The following HIKESHI variants were observed in gnomAD, a reference collection of about 807,000 sequenced individuals.
HIKESHI encodes protein Hikeshi.
In HIKESHI, 13 loss-of-function variants were observed where a neutral mutation model predicts 25.7. That is an observed-to-expected ratio of 0.51 (90% CI 0.33 to 0.80). HIKESHI has a LOEUF of 0.80. Among genes scored for constraint, HIKESHI ranks in the 30% least tolerant of loss-of-function variants. The pLI is 0.02. For synonymous variants in HIKESHI, 76 were observed against 78.7 expected (o/e 0.97, Z 0.18); for missense variants, 174 against 229.5 (o/e 0.76, Z 1.56).
At chr11:86,342,380 G>A (rs536692753) in intron 3 of HIKESHI, among the ~76,000 whole-genome samples, 1 of 151,980 alleles carries the variant, frequency 6.6e-6, no homozygotes, top group Non-Finnish European at 1.5e-5. Context: ...TTTGTATATA[G>A]ATAAATGTAT....
chr11:86,302,251 A>C lies in HIKESHI; in HGVS notation c.-198A>C. The C allele has an allele frequency of 1.6e-6, 1 of 618,918 alleles. No individual in the cohort carries two copies. The highest frequency in any genetic ancestry group is 2.9e-6 in the Non-Finnish European group (1 of 342,870). The allele number at this position is 618,918 out of a possible 1,614,324, so 38.3% of individuals were successfully genotyped here. A position where few individuals can be genotyped will look rare whatever the true frequency, so the allele number is the denominator to read the frequency against. On this transcript the variant is annotated 5_prime_UTR_variant, in exon 1 of 5. Transcript: ENST00000278483. Reference sequence around the variant, plus strand: ...CCCCGGAAGTACTTGTTGCCTGAGCAGTGGGCTGCTTAGGAAGAGAAGGTC... The same window carrying C: ...CCCCGGAAGTACTTGTTGCCTGAGCCGTGGGCTGCTTAGGAAGAGAAGGTC...
chr11:86,313,681 CAT>C (rs1170041734), intron 2 of HIKESHI, among the ~76,000 whole-genome samples: 3 of 152,156 alleles, frequency 2.0e-5, no homozygotes, highest in Admixed American at 2.0e-4. Flanking sequence ...TGAGATAACT[CAT>C]AGAGGAAGAC....
chr11:86,304,907 T>C (rs1565716992), intron 1 of HIKESHI, among the ~76,000 whole-genome samples: 1 of 152,022 alleles, frequency 6.6e-6, no homozygotes, highest in East Asian at 1.9e-4. Flanking sequence ...TACAAGTGAG[T>C]TTTAGTGAGT....
chr11:86,339,147 G>A (rs1478054627), intron 3 of HIKESHI, among the ~76,000 whole-genome samples: 1 of 152,128 alleles, frequency 6.6e-6, no homozygotes, highest in Non-Finnish European at 1.5e-5. Flanking sequence ...CTGGGTTCAC[G>A]CCATTCTCCT....
At chr11:86,339,128 C>G (rs956178210) in intron 3 of HIKESHI, among the ~76,000 whole-genome samples, 1 of 152,196 alleles carries the variant, frequency 6.6e-6, no homozygotes, top group Non-Finnish European at 1.5e-5. Context: ...TCACTGCAAG[C>G]TCCGCCTCCT....
intron 3 of HIKESHI, among the ~76,000 whole-genome samples, chr11:86,342,462 A>G (rs1046026438): frequency 2.7e-5 from 4 of 149,716 alleles, no homozygotes; most frequent in African/African-American, 9.8e-5. Context: ...CTGATATGTA[A>G]AGATATAAAG....
intron 2 of HIKESHI, among the ~76,000 whole-genome samples, chr11:86,335,581 A>G (rs1013530207): frequency 1.4e-4 from 21 of 152,222 alleles, no homozygotes; most frequent in African/African-American, 4.8e-4. Flanking sequence ...TGCCTGGCTG[A>G]ATACTAAAGG....
chr11:86,338,614 C>T (rs190186638), intron 3 of HIKESHI, among the ~76,000 whole-genome samples: 2 of 152,200 alleles, frequency 1.3e-5, no homozygotes, highest in East Asian at 3.9e-4. Flanking sequence ...TTAGGGAAAC[C>T]ATATGTGTTT....
chr11:86,312,030 T>C (rs1490871564), intron 2 of HIKESHI, among the ~76,000 whole-genome samples: 2 of 152,208 alleles, frequency 1.3e-5, no homozygotes, highest in South Asian at 4.1e-4. Context: ...GAAGAATGTA[T>C]ATTCTGTTGA....
intron 2 of HIKESHI, among the ~76,000 whole-genome samples, chr11:86,335,899 CA>C (rs1476041655): frequency 6.6e-6 from 1 of 152,108 alleles, no homozygotes; most frequent in Non-Finnish European, 1.5e-5. Flanking sequence ...TACAAAGAAA[CA>C]AAGTAAGGCT....
At chr11:86,333,479 G>A (rs1947471705) in intron 2 of HIKESHI, among the ~76,000 whole-genome samples, 1 of 151,380 alleles carries the variant, frequency 6.6e-6, no homozygotes, top group South Asian at 2.1e-4. Context: ...AGGTTGCAGT[G>A]AGCCAAGATC....
In HIKESHI at chr11:86,323,657, A is replaced by T. The variant is rs1202943087; in HGVS notation, c.269-13722A>T. Among the ~76,000 whole-genome samples the T allele has an allele frequency of 2.0e-5, 3 of 152,264 alleles. No homozygotes were observed. The East Asian group carries it at 5.8e-4, about 29-fold the overall frequency. On this transcript the variant is annotated intron_variant, in intron 2 of 4. Transcript: ENST00000278483. ...TCCCTACAGGAGATGCTTAGGGAACAGTGAAAATGTTCTATCCTTTTTGTA... is the reference window on the plus strand; with the variant it reads ...TCCCTACAGGAGATGCTTAGGGAACTGTGAAAATGTTCTATCCTTTTTGTA...
chr11:86,315,361 C>G (rs1012340816), intron 2 of HIKESHI, among the ~76,000 whole-genome samples: 2 of 151,534 alleles, frequency 1.3e-5, no homozygotes, highest in African/African-American at 4.9e-5. Context: ...GCTCTTACTG[C>G]CCAGGCTGGA....
chr11:86,344,750 A>T, intron 4 of HIKESHI, 29 bp downstream of exon 4: 1 of 1,366,098 alleles, frequency 7.3e-7, no homozygotes, highest in Non-Finnish European at 1.0e-6. Context: ...CTCCAATATT[A>T]AGGCTTTTTA....
chr11:86,337,827 T>A (rs1360152428), intron 3 of HIKESHI, among the ~76,000 whole-genome samples: 3 of 151,904 alleles, frequency 2.0e-5, no homozygotes, highest in African/African-American at 7.3e-5. Flanking sequence ...CCGGCTAAGT[T>A]TTGTATTTTT....
chr11:86,319,547 G>A (rs1163550008), intron 2 of HIKESHI, among the ~76,000 whole-genome samples: 1 of 151,828 alleles, frequency 6.6e-6, no homozygotes, highest in Non-Finnish European at 1.5e-5. Context: ...CTGAGTTATA[G>A]CACCCAGCCC....
At chr11:86,302,842 G>C (rs934887463) in intron 1 of HIKESHI, among the ~76,000 whole-genome samples, 4 of 152,160 alleles carry the variant, frequency 2.6e-5, no homozygotes, top group Non-Finnish European at 5.9e-5. Flanking sequence ...TGCAGTTACA[G>C]AACTAAGTTC....
Position 86,302,442 on chromosome 11 carries a change from C to A in HIKESHI, c.-7C>A. 1.3e-6 allele frequency: 2 copies of A among 1,554,090 alleles called. No homozygotes were observed. Among genetic ancestry groups the A allele is most frequent in the Non-Finnish European group, 1.7e-6 (2 of 1,148,520 alleles). On this transcript the variant is annotated 5_prime_UTR_variant, in exon 1 of 5. Transcript: ENST00000278483. ...GTCACTGCCGGCTGAACGGAGCTGC[C>A]GTCGCCATGTTTGGCTGCTTGGTGG...
intron 2 of HIKESHI, among the ~76,000 whole-genome samples, chr11:86,314,792 A>T (rs982285534): frequency 1.3e-5 from 2 of 152,210 alleles, no homozygotes; most frequent in African/African-American, 4.8e-5. Context: ...CCCTACGGCT[A>T]TGGTTCTTAA....
Sources: gnomAD v4.1 joint callset for allele counts (sites outside exome capture counted in the v4.1 genomes callset) on GRCh38, gnomAD v4.1.1 for gene constraint, MANE v1.5 for transcripts, NCBI Gene and HGNC (gene_info 2026-07-23, HGNC 2026-07-21) for gene names.